The following TFRC variants were observed in gnomAD, a reference collection of about 807,000 sequenced individuals.
The protein encoded by TFRC is transferrin receptor protein 1.
In TFRC, 35 loss-of-function variants were observed where a neutral mutation model predicts 85.8. The ratio of observed to expected loss-of-function variants is 0.41; its 90% CI spans 0.31 to 0.54. The LOEUF is 0.54. Among genes scored for constraint, TFRC ranks in the 20% least tolerant of loss-of-function variants. The probability of loss-of-function intolerance (pLI) is 0.31; values close to 1 mark genes in which losing one functional copy is unlikely to be tolerated. For missense variants in TFRC, 828 were observed against 921.5 expected (o/e 0.90, Z 1.31); for synonymous variants, 362 against 328.6 (o/e 1.10, Z -1.10).
intron 10 of TFRC, 54 bp downstream of exon 10, chr3:196,065,389 C>T: frequency 8.8e-7 from 1 of 1,140,240 alleles, no homozygotes; most frequent in Non-Finnish European, 1.2e-6. Context: ...TCCTTAGGAA[C>T]AGAAAAGAAA....
rs200128950 is a variant in TFRC at position 196,067,584 on chromosome 3, C to G, written c.974G>C (p.Arg325Pro). 3.7e-6 allele frequency: 6 copies of G among 1,614,076 alleles called. No homozygotes were observed. The highest frequency in any genetic ancestry group is 5.1e-6 in the Non-Finnish European group (6 of 1,180,000). The change falls in exon 9 of 19, where the codon CGG (arginine) becomes CCG (proline). Residue 325 changes from arginine (R) to proline (P), a missense_variant. By Grantham distance (103) the Arg-to-Pro change is moderately radical. Coordinates refer to ENST00000360110, the MANE Select transcript of TFRC (RefSeq NM_001128148.3). Reference protein sequence around the residue: ...SFNHTQFPPSRSSGLPNIPVQ... With the variant: ...SFNHTQFPPSPSSGLPNIPVQ... ...AGGTATATTAGGCAATCCTGATGAC[C>G]GAGATGGTGGAAACTGAGTGTGATT...
At chr3:196,063,942 A>G (rs1717498526) in intron 11 of TFRC, among the ~76,000 whole-genome samples, 1 of 152,180 alleles carries the variant, frequency 6.6e-6, no homozygotes, top group African/African-American at 2.4e-5. Context: ...AAATGAATAA[A>G]CAGAACAAAA....
intron 1 of TFRC, among the ~76,000 whole-genome samples, chr3:196,080,995 C>A (rs1364499383): frequency 6.6e-6 from 1 of 152,172 alleles, no homozygotes; most frequent in Non-Finnish European, 1.5e-5. Context: ...GCTGCAGAAT[C>A]CAGTCCCCCG....
At chr3:196,067,203 T>C (rs978417831) in intron 9 of TFRC, among the ~76,000 whole-genome samples, 1 of 152,256 alleles carries the variant, frequency 6.6e-6, no homozygotes, top group Admixed American at 6.5e-5. Context: ...CTCTACTAAC[T>C]GAATGGGCTG....
In TFRC at chr3:196,065,431, G is replaced by A. The variant is rs758877026; in HGVS notation, c.1198+12C>T. On this transcript the variant is annotated intron_variant, in intron 10 of 18. Transcript: ENST00000360110. ...AAAAAGCGGGGCGGGGGGGGGGGGG[G>A]GCGGTCTTTACCTGGTTCTACAAAG... 3.4e-5 allele frequency: 16 copies of A among 468,636 alleles called. No homozygotes were observed. Among genetic ancestry groups the A allele is most frequent in the Admixed American group, 7.5e-5 (1 of 13,386 alleles). The allele number at this position is 468,636 out of a possible 1,614,324, so 29.0% of individuals were successfully genotyped here.
rs1392883593 is a variant in TFRC, at chr3:196,075,192, C to T, written c.205G>A (p.Gly69Arg). 2 of 1,614,158 alleles carry T rather than the reference C, an allele frequency of 1.2e-6. No individual in the cohort carries two copies. Among genetic ancestry groups the T allele is most frequent in the South Asian group, 1.1e-5 (1 of 91,082 alleles). The change falls in exon 3 of 19, where the codon GGG becomes AGG. Residue 69 changes from glycine (G) to arginine (R), a missense_variant. By Grantham distance (125) the Gly-to-Arg change is moderately radical. Coordinates refer to ENST00000360110, the MANE Select transcript of TFRC (RefSeq NM_001128148.3). ...AAAAAGACGATCACAGCAATAGTCC[C>T]ATAGCAGATACTTCCACTACACCTT... ...PKRCSGSICYGTIAVIVFFLI... is the reference protein window; with the variant it reads ...PKRCSGSICYRTIAVIVFFLI...
intron 4 of TFRC, among the ~76,000 whole-genome samples, chr3:196,072,528 T>G (rs1244436578): frequency 6.6e-6 from 1 of 152,226 alleles, no homozygotes; most frequent in African/African-American, 2.4e-5. Flanking sequence ...AGCATCTGAA[T>G]ACCCTGAAGC....
Position 196,069,534 on chromosome 3 carries a change from T to G in TFRC, c.722A>C (p.Lys241Thr). 6.2e-7 allele frequency: 1 copy of G among 1,612,880 alleles called. No individual in the cohort carries two copies. The highest frequency in any genetic ancestry group is 1.1e-5 in the South Asian group (1 of 91,024). ...KLVHANFGTK[K>T]DFEDLYTPVN... ...AGGAGTGTATAAATCCTCAAAATCTTTTTTAGTACCAAAATTAGCATGGAC... is the reference window on the plus strand; with the variant it reads ...AGGAGTGTATAAATCCTCAAAATCTGTTTTAGTACCAAAATTAGCATGGAC... Residue 241 changes from lysine (K) to threonine (T), a missense_variant, in exon 7 of 19, where the codon AAA (lysine) becomes ACA (threonine). Coordinates refer to ENST00000360110, the MANE Select transcript of TFRC (RefSeq NM_001128148.3).
At position 196,051,751 on chromosome 3, in the gene TFRC, C is replaced by T; in HGVS notation, c.*191G>A. ...CATGGACATTTTTTAAGTGGTTATT[C>T]ACTTTAACTTGAAGTACAGGTTATC... is the stretch of plus-strand genomic sequence containing the variant. On this transcript the variant is annotated 3_prime_UTR_variant, in exon 19 of 19. Coordinates refer to ENST00000360110, the MANE Select transcript of TFRC (RefSeq NM_001128148.3). 1 of 585,334 alleles carries T rather than the reference C, an allele frequency of 1.7e-6. No individual in the cohort carries two copies. The highest frequency in any genetic ancestry group is 2.9e-6 in the Non-Finnish European group (1 of 344,126). 36.3% of individuals were successfully genotyped at this position (585,334 alleles called of 1,614,324 possible). A position where few individuals can be genotyped will look rare whatever the true frequency, so the allele number is the denominator to read the frequency against.
rs1716197921 is a variant in TFRC, at chr3:196,050,197, T to C, written c.*1745A>G. 4.4e-6 allele frequency: 1 copy of C among 226,676 alleles called. No individual in the cohort carries two copies. The highest frequency in any genetic ancestry group is 5.7e-5 in the Admixed American group (1 of 17,590). The allele number at this position is 226,676 out of a possible 1,614,324, so 14.0% of individuals were successfully genotyped here. A position where few individuals can be genotyped will look rare whatever the true frequency, so the allele number is the denominator to read the frequency against. ...TGCAAATAATGTGATAAAGTTAAAA[T>C]GACTTGTCAATAGCAAACATTATAA... On this transcript the variant is annotated 3_prime_UTR_variant, in exon 19 of 19. Transcript: ENST00000360110.
chr3:196,079,829 T>C (rs1205950926), intron 1 of TFRC, among the ~76,000 whole-genome samples: 3 of 150,968 alleles, frequency 2.0e-5, no homozygotes, highest in South Asian at 2.1e-4. Context: ...ATCCAGCCCC[T>C]GTTTTTACCC....
At chr3:196,070,949 C>T (rs1010982204) in intron 6 of TFRC, among the ~76,000 whole-genome samples, 1 of 151,930 alleles carries the variant, frequency 6.6e-6, no homozygotes, top group Non-Finnish European at 1.5e-5. Flanking sequence ...TGTCTCAAAA[C>T]AAAAATAGAA....
chr3:196,053,499 A>G lies in TFRC; in HGVS notation c.1959T>C (p.Thr653=). 1 of 1,614,232 alleles carries G rather than the reference A, an allele frequency of 6.2e-7. No individual in the cohort carries two copies. The highest frequency in any genetic ancestry group is 8.5e-7 in the Non-Finnish European group (1 of 1,180,028). The change falls in exon 18 of 19, where the codon ACT becomes ACC. Residue 653 remains threonine (T), a synonymous_variant. Transcript: ENST00000360110. Reference sequence around the variant, plus strand: ...TCCCGAAATCTGTTGTTAGTCTGGAAGTAGCACGGAAGAAGTCTCCACGAG... The same window carrying G: ...TCCCGAAATCTGTTGTTAGTCTGGAGGTAGCACGGAAGAAGTCTCCACGAG... ...YSARGDFFRA[T]SRLTTDFGNA...
chr3:196,053,603 C>T (rs1360559057), intron 17 of TFRC, 45 bp from the exon 18 acceptor site: 1 of 1,607,214 alleles, frequency 6.2e-7, no homozygotes, highest in Non-Finnish European at 8.5e-7. Flanking sequence ...TTTCTAAGGA[C>T]ATTCTTTTGT....
chr3:196,064,465 T>C lies in TFRC; in HGVS notation c.1199-37A>G, dbSNP rs769798392. ...AAAAAAGAGGAAGAAAGAACTTATA[T>C]AATCAGCTTCTAAACTTTTCTAGAA... On this transcript the variant is annotated intron_variant, in intron 10 of 18. Transcript: ENST00000360110. 10 of 1,552,820 alleles carry C rather than the reference T, an allele frequency of 6.4e-6. No individual in the cohort carries two copies. In the Admixed American group the frequency reaches 2.2e-4, roughly 34 times the overall value.
chr3:196,054,252 A>G (rs1716586432), intron 17 of TFRC, among the ~76,000 whole-genome samples: 1 of 152,072 alleles, frequency 6.6e-6, no homozygotes, highest in South Asian at 2.1e-4. Context: ...TAAAAACACA[A>G]AAACTATCTG....
intron 13 of TFRC, 131 bp from the exon 14 acceptor site, chr3:196,060,378 A>G: frequency 2.7e-6 from 2 of 752,590 alleles, no homozygotes; most frequent in Non-Finnish European, 4.4e-6. Context: ...CAACTATCCC[A>G]TTCATCAAGT....
intron 3 of TFRC, chr3:196,074,367 G>C: frequency 3.0e-6 from 1 of 332,732 alleles, no homozygotes; most frequent in Non-Finnish European, 5.4e-6. Flanking sequence ...AGACCCCCTT[G>C]AAACATGAGA....
intron 7 of TFRC, among the ~76,000 whole-genome samples, chr3:196,068,402 G>A (rs1717907628): frequency 6.6e-6 from 1 of 150,842 alleles, no homozygotes; most frequent in Non-Finnish European, 1.5e-5. Context: ...CACAAGCTCA[G>A]GAGTTCGAGA....
Sources: allele counts gnomAD v4.1 joint callset (sites outside exome capture counted in the v4.1 genomes callset), GRCh38; gene constraint gnomAD v4.1.1; transcripts MANE v1.5; gene names NCBI Gene and HGNC (gene_info 2026-07-23, HGNC 2026-07-21).